Variants in LRP1B observed in about 807,000 individuals in gnomAD.
LRP1B encodes the protein low-density lipoprotein receptor-related protein 1B.
In LRP1B, 217 loss-of-function variants were observed where a neutral mutation model predicts 556.6. The observed-to-expected ratio is 0.39, with a 90% CI of 0.35 to 0.44. LRP1B has a LOEUF of 0.44. Ranked by LOEUF, LRP1B falls within the 20% of genes least tolerant of loss-of-function variation. The pLI, the probability that LRP1B is intolerant of heterozygous loss-of-function variation, is 1.00. For synonymous variants in LRP1B, 2,047 were observed against 1,865.8 expected (o/e 1.10, Z -2.50); for missense variants, 5,053 against 5,620.8 (o/e 0.90, Z 3.23).
intron 3 of LRP1B, among the ~76,000 whole-genome samples, chr2:141,438,550 T>A (rs962773550): frequency 2.6e-5 from 4 of 152,152 alleles, no homozygotes; most frequent in African/African-American, 9.7e-5. Context: ...AGAAAGCAGC[T>A]ACATAGGGAA....
Position 141,146,276 on chromosome 2 carries a change from G to T in LRP1B, c.1013+42145C>A, listed in dbSNP as rs182060512. Among the ~76,000 whole-genome samples, 490 of 152,144 alleles carry T rather than the reference G, an allele frequency of 3.2e-3. 4 individuals carry two copies. The highest frequency in any genetic ancestry group is 0.011 in the African/African-American group (467 of 41,526). On this transcript the variant is annotated intron_variant, in intron 7 of 90. Transcript: ENST00000389484. Reference sequence around the variant, plus strand: ...GTCTTCATGTTTCCTCCCATGCCGGGTTCACTCTCCTTCCTTGGCAGTATT... The same window carrying T: ...GTCTTCATGTTTCCTCCCATGCCGGTTTCACTCTCCTTCCTTGGCAGTATT...
intron 11 of LRP1B, among the ~76,000 whole-genome samples, chr2:141,034,108 G>C (rs1698458932): frequency 6.6e-6 from 1 of 151,948 alleles, no homozygotes; most frequent in Non-Finnish European, 1.5e-5. Context: ...GTTTTTATTA[G>C]GATCATGGTG....
At chr2:140,341,298 T>C (rs1296513413) in intron 77 of LRP1B, among the ~76,000 whole-genome samples, 1 of 151,508 alleles carries the variant, frequency 6.6e-6, no homozygotes, top group East Asian at 1.9e-4. Flanking sequence ...ATTTTATTAC[T>C]CCTTAAACTG....
At position 141,498,710 on chromosome 2, in the gene LRP1B, T is replaced by C. The variant is rs528688973; in HGVS notation, c.206-18177A>G. 3.3e-5 allele frequency among the ~76,000 whole-genome samples: 5 copies of C among 152,216 alleles called. No individual in the cohort carries two copies. The South Asian group carries it at 1.0e-3, about 32-fold the overall frequency. ...TTTGGAACAACTGCATAATGGCTCA[T>C]ATCTTTTCAGTCATTCCAGGGAAAC... On this transcript the variant is annotated intron_variant, in intron 2 of 90. Coordinates refer to ENST00000389484, the MANE Select transcript of LRP1B (RefSeq NM_018557.3).
rs372205675 is a variant in LRP1B at position 140,266,138 on chromosome 2, G to GTT, written c.13247+4102_13247+4103dup. ...TATTTTCCTCTAGATCCTACTTACT[G>GTT]TTTTTTTTTGTTTAATTCATAACCA... On this transcript the variant is annotated intron_variant, in intron 86 of 90. Transcript: ENST00000389484. 1.4e-3 allele frequency among the ~76,000 whole-genome samples: 211 copies of GTT among 150,302 alleles called. 2 individuals are homozygous for GTT. The highest frequency in any genetic ancestry group is 4.8e-3 in the African/African-American group (197 of 41,046).
intron 83 of LRP1B, among the ~76,000 whole-genome samples, chr2:140,311,114 G>A (rs1342294410): frequency 1.3e-5 from 2 of 151,756 alleles, no homozygotes; most frequent in African/African-American, 2.4e-5. Flanking sequence ...AAAACAGTAT[G>A]GAGATTTCTC....
chr2:140,486,622 A>T (rs959715836), intron 58 of LRP1B, among the ~76,000 whole-genome samples: 2 of 151,900 alleles, frequency 1.3e-5, no homozygotes, highest in African/African-American at 4.8e-5. Context: ...AAAAATTTTT[A>T]ATGTATTGTA....
intron 6 of LRP1B, among the ~76,000 whole-genome samples, chr2:141,228,881 AT>A (rs1424829426): frequency 6.6e-6 from 1 of 152,170 alleles, no homozygotes; most frequent in Non-Finnish European, 1.5e-5. Context: ...TCACTATCAC[AT>A]TGTGAATTAC....
intron 66 of LRP1B, among the ~76,000 whole-genome samples, chr2:140,409,906 A>C (rs1684899410): frequency 6.6e-6 from 1 of 152,082 alleles, no homozygotes; most frequent in Non-Finnish European, 1.5e-5. Context: ...ATCATTTTAC[A>C]CTAAGACCTC....
chr2:141,005,697 G>C (rs1051671379), intron 14 of LRP1B, among the ~76,000 whole-genome samples: 1 of 151,940 alleles, frequency 6.6e-6, no homozygotes, highest in Non-Finnish European at 1.5e-5. Flanking sequence ...GTGAAGTTAG[G>C]TTCTAGGTGA....
chr2:141,516,690 CTCTTT>C (rs1411233585), intron 2 of LRP1B, among the ~76,000 whole-genome samples: 4 of 37,674 alleles, frequency 1.1e-4, no homozygotes, highest in Admixed American at 4.1e-4. Context: ...GTCTCTCTCT[CTCTTT>C]TTTTTTTTTT....
At chr2:140,249,433 A>G (rs1558925055) in intron 86 of LRP1B, among the ~76,000 whole-genome samples, 1 of 151,620 alleles carries the variant, frequency 6.6e-6, no homozygotes, top group Non-Finnish European at 1.5e-5. Flanking sequence ...TTTATGATAG[A>G]TAAAAGAAGT....
intron 41 of LRP1B, among the ~76,000 whole-genome samples, chr2:140,646,814 T>C (rs1177501644): frequency 2.0e-5 from 3 of 152,116 alleles, no homozygotes; most frequent in African/African-American, 7.2e-5. Context: ...ACATATGTGA[T>C]ATGTGATATA....
At chr2:141,686,285 A>G (rs1401624988) in intron 2 of LRP1B, among the ~76,000 whole-genome samples, 1 of 151,970 alleles carries the variant, frequency 6.6e-6, no homozygotes, top group Non-Finnish European at 1.5e-5. Context: ...GTCATGTGTC[A>G]TGTTGTAATG....
chr2:141,494,532 G>A (rs1293428905), intron 2 of LRP1B, among the ~76,000 whole-genome samples: 2 of 151,772 alleles, frequency 1.3e-5, no homozygotes, highest in African/African-American at 4.8e-5. Flanking sequence ...TATTAGGCTG[G>A]TGTAAAAGTA....
intron 32 of LRP1B, among the ~76,000 whole-genome samples, chr2:140,797,720 T>G (rs902831357): frequency 1.1e-4 from 17 of 152,098 alleles, no homozygotes; most frequent in African/African-American, 3.9e-4. Context: ...AATGAAACCA[T>G]ATGAAACATA....
chr2:141,312,000 C>G (rs1029904220), intron 3 of LRP1B, among the ~76,000 whole-genome samples: 6 of 152,032 alleles, frequency 3.9e-5, no homozygotes, highest in Admixed American at 3.9e-4. Flanking sequence ...ATGAATGGAG[C>G]ATTATGGGAG....
intron 86 of LRP1B, among the ~76,000 whole-genome samples, chr2:140,262,077 AG>A (rs1269517040): frequency 6.6e-6 from 1 of 152,014 alleles, no homozygotes; most frequent in African/African-American, 2.4e-5. Context: ...TTAAAAAAAA[AG>A]ATCAGAAGAA....
At chr2:141,323,921 C>CCACG (rs1687336899) in intron 3 of LRP1B, among the ~76,000 whole-genome samples, 2 of 129,900 alleles carry the variant, frequency 1.5e-5, no homozygotes, top group Non-Finnish European at 3.2e-5. Context: ...AACGAGGAAA[C>CCACG]CACACACACA....
Sources: gnomAD v4.1 joint callset for allele counts (sites outside exome capture counted in the v4.1 genomes callset) on GRCh38, gnomAD v4.1.1 for gene constraint, MANE v1.5 for transcripts, NCBI Gene and HGNC (gene_info 2026-07-23, HGNC 2026-07-21) for gene names.